TBPL2: variants seen among roughly 807,000 people sequenced by gnomAD.
TBPL2 encodes the protein TATA-box binding protein like 2, also known as TATA box-binding protein-like 2.
Under a neutral mutation model 38.2 loss-of-function variants are expected in TBPL2, and 40 were observed. The ratio of observed to expected loss-of-function variants is 1.05; its 90% CI spans 0.81 to 1.36. The LOEUF (loss-of-function observed/expected upper bound fraction) is 1.36. Ranked by LOEUF, TBPL2 falls within the 40% of genes most tolerant of loss-of-function variation. The probability of loss-of-function intolerance (pLI) is 0.00; values close to 1 mark genes in which losing one functional copy is unlikely to be tolerated. For missense variants in TBPL2, 461 were observed against 456.7 expected, an observed-to-expected ratio of 1.01 and a Z score of -0.09; for synonymous variants, 169 against 171.7, an observed-to-expected ratio of 0.98 and a Z score of 0.12.
At chr14:55,433,824 GA>G in intron 3 of TBPL2, 103 bp from the exon 4 acceptor site, 2 of 970,494 alleles carry the variant, frequency 2.1e-6, no homozygotes, top group South Asian at 3.8e-5. Context: ...GATTGGATGG[GA>G]AAACTAAATG....
At chr14:55,439,389 A>G (rs1886068617) in intron 1 of TBPL2, among the ~76,000 whole-genome samples, 1 of 151,866 alleles carries the variant, frequency 6.6e-6, no homozygotes, top group African/African-American at 2.4e-5. Flanking sequence ...ACTGGCATCC[A>G]TGCTGCAGGG....
At chr14:55,435,078 C>T (rs187447087) in intron 3 of TBPL2, among the ~76,000 whole-genome samples, 7 of 150,164 alleles carry the variant, frequency 4.7e-5, no homozygotes, top group African/African-American at 1.2e-4. Context: ...TTGAGGAGGA[C>T]GAAAAAAAAA....
At chr14:55,439,616 C>CCCCCCCCCCCG (rs1260567737) in intron 1 of TBPL2, among the ~76,000 whole-genome samples, 1 of 102,384 alleles carries the variant, frequency 9.8e-6, no homozygotes. Context: ...AAAAGCAAAC[C>CCCCCCCCCCCG]CCCCCCCGTC....
intron 5 of TBPL2, among the ~76,000 whole-genome samples, chr14:55,426,437 C>T (rs948066785): frequency 7.9e-5 from 12 of 151,964 alleles, no homozygotes; most frequent in African/African-American, 2.7e-4. Flanking sequence ...AACTGAATGA[C>T]CTTAGGGGTT....
intron 4 of TBPL2, among the ~76,000 whole-genome samples, chr14:55,430,119 C>T (rs972049122): frequency 1.3e-5 from 2 of 152,064 alleles, no homozygotes; most frequent in Non-Finnish European, 2.9e-5. Flanking sequence ...CTTCATTTCT[C>T]CTTAGGTATT....
intron 3 of TBPL2, among the ~76,000 whole-genome samples, chr14:55,434,446 A>G (rs1461805967): frequency 2.6e-5 from 4 of 152,128 alleles, no homozygotes; most frequent in Admixed American, 1.3e-4. Flanking sequence ...CGGTTAAGCT[A>G]GGAAGGAAAC....
At chr14:55,423,984 G>A (rs10782426) in intron 6 of TBPL2, among the ~76,000 whole-genome samples, 175 bp downstream of exon 6, 61,207 of 152,102 alleles carry the variant, frequency 0.4, 14,308 homozygotes, top group East Asian at 0.59. Context: ...TGAAAAAAAT[G>A]TTGTTTTAGG....
intron 5 of TBPL2, among the ~76,000 whole-genome samples, chr14:55,425,989 C>A (rs1035864301): frequency 1.3e-5 from 2 of 151,980 alleles, no homozygotes; most frequent in African/African-American, 4.8e-5. Context: ...AAGAGGGGGC[C>A]GGGTGCGGTG....
chr14:55,428,205 C>T (rs1885862926), intron 5 of TBPL2, among the ~76,000 whole-genome samples: 1 of 136,856 alleles, frequency 7.3e-6, no homozygotes, highest in Admixed American at 8.4e-5. Flanking sequence ...GGTCGGCTCA[C>T]TGCAAGCTCC....
chr14:55,431,415 C>T (rs1485936319), intron 4 of TBPL2, among the ~76,000 whole-genome samples: 1 of 152,182 alleles, frequency 6.6e-6, no homozygotes, highest in African/African-American at 2.4e-5. Flanking sequence ...TTACTTCTCC[C>T]TCTGCAATCC....
At chr14:55,415,387 T>C (rs1488531255) in intron 6 of TBPL2, among the ~76,000 whole-genome samples, 1 of 152,210 alleles carries the variant, frequency 6.6e-6, no homozygotes, top group African/African-American at 2.4e-5. Flanking sequence ...TCAGCTACTG[T>C]GGAAACTAGT....
chr14:55,428,191 G>A (rs1039476577), intron 5 of TBPL2, among the ~76,000 whole-genome samples: 17 of 131,824 alleles, frequency 1.3e-4, no homozygotes, highest in African/African-American at 4.2e-4. Context: ...GTCCAGTGGC[G>A]CGAGGTCGGC....
At chr14:55,430,005 A>G (rs1885899697) in intron 4 of TBPL2, among the ~76,000 whole-genome samples, 1 of 152,094 alleles carries the variant, frequency 6.6e-6, no homozygotes, top group South Asian at 2.1e-4. Context: ...ACTCAACACA[A>G]GAAGGACAGG....
At chr14:55,436,397 A>G (rs897032969) in intron 2 of TBPL2, among the ~76,000 whole-genome samples, 164 bp downstream of exon 2, 1 of 152,202 alleles carries the variant, frequency 6.6e-6, no homozygotes, top group African/African-American at 2.4e-5. Context: ...CCTTACAGAT[A>G]ATCAAACTGT....
At position 55,419,108 on chromosome 14, in the gene TBPL2, A is replaced by T. The variant is rs897235826; in HGVS notation, c.1052-4653T>A. Among the ~76,000 whole-genome samples the T allele has an allele frequency of 2.6e-5, 4 of 152,248 alleles. No individual in the cohort carries two copies. The South Asian group carries it at 6.2e-4, about 24-fold the overall frequency. Reference sequence around the variant, plus strand: ...TTTCAGCTGACAAGGAGAATTAAGAAGTTGGCCAGGAGACCACACAGGTGT... The same window carrying T: ...TTTCAGCTGACAAGGAGAATTAAGATGTTGGCCAGGAGACCACACAGGTGT... On this transcript the variant is annotated intron_variant, in intron 6 of 6. Transcript: ENST00000247219.
At chr14:55,435,408 T>C (rs1885997461) in intron 3 of TBPL2, among the ~76,000 whole-genome samples, 1 of 151,090 alleles carries the variant, frequency 6.6e-6, no homozygotes, top group South Asian at 2.1e-4. Flanking sequence ...CCTGAGTAGC[T>C]GGGATTACAG....
intron 5 of TBPL2, among the ~76,000 whole-genome samples, chr14:55,426,296 A>G (rs1266893774): frequency 6.6e-6 from 1 of 152,028 alleles, no homozygotes; most frequent in East Asian, 1.9e-4. Context: ...AATAAAATAA[A>G]GAGGGAAAAA....
At chr14:55,419,294 A>G (rs1885710334) in intron 6 of TBPL2, among the ~76,000 whole-genome samples, 4 of 152,236 alleles carry the variant, frequency 2.6e-5, no homozygotes, top group African/African-American at 9.6e-5. Flanking sequence ...GGTATAAAGT[A>G]CAACTCACAG....
At chr14:55,435,917 A>G in exon 3 of TBPL2, 1 of 1,580,654 alleles carries the variant, frequency 6.3e-7, no homozygotes, top group Non-Finnish European at 8.5e-7. Flanking sequence ...GGCCAGGTTT[A>G]CAGTGGAAAC....
Sources: allele counts gnomAD v4.1 joint callset (sites outside exome capture counted in the v4.1 genomes callset), GRCh38; gene constraint gnomAD v4.1.1; transcripts MANE v1.5; gene names NCBI Gene and HGNC (gene_info 2026-07-23, HGNC 2026-07-21).